The following ANXA4 variants were observed in gnomAD, a reference collection of about 807,000 sequenced individuals.
ANXA4 encodes 35-beta calcimedin.
A neutral mutation model predicts 49.8 loss-of-function variants in ANXA4; 39 were observed. The ratio of observed to expected loss-of-function variants is 0.78; its 90% CI spans 0.61 to 1.02. The LOEUF (loss-of-function observed/expected upper bound fraction) is 1.02. Ranked by LOEUF, ANXA4 falls within the 50% of genes least tolerant of loss-of-function variation. The pLI is 0.00. For synonymous variants in ANXA4, 134 were observed against 152.5 expected (o/e 0.88, Z 0.89); for missense variants, 360 against 410.1 (o/e 0.88, Z 1.05).
chr2:69,779,370 A>G (rs1336002728), intron 1 of ANXA4, among the ~76,000 whole-genome samples: 1 of 152,172 alleles, frequency 6.6e-6, no homozygotes, highest in African/African-American at 2.4e-5. Context: ...CATTATCTCT[A>G]TCAGTGCCTG....
intron 1 of ANXA4, among the ~76,000 whole-genome samples, chr2:69,652,351 A>G (rs1419871858): frequency 6.6e-6 from 1 of 152,164 alleles, no homozygotes; most frequent in African/African-American, 2.4e-5. Flanking sequence ...ATGCTGTAGA[A>G]TCTTCTCATA....
intron 2 of ANXA4, among the ~76,000 whole-genome samples, chr2:69,672,040 A>C (rs1192925959): frequency 6.6e-6 from 1 of 152,206 alleles, no homozygotes; most frequent in African/African-American, 2.4e-5. Context: ...GGGTAGCAGG[A>C]GACATGTGGG....
chr2:69,820,864 A>C, intron 12 of ANXA4, 43 bp downstream of exon 12: 1 of 1,603,730 alleles, frequency 6.2e-7, no homozygotes. Flanking sequence ...GATCCAGAAA[A>C]GGACCCCTCT....
At chr2:69,738,338 C>T (rs1474234146), upstream of ANXA4, among the ~76,000 whole-genome samples, 1 of 152,112 alleles carries the variant, frequency 6.6e-6, no homozygotes, top group East Asian at 1.9e-4. Flanking sequence ...AACTCTCCAG[C>T]CTGGTGAGTT....
At position 69,716,504 on chromosome 2, in the gene ANXA4, G is replaced by A. The variant is rs566603649; in HGVS notation, n.767-4270G>A. On this transcript the variant is annotated intron_variant and non_coding_transcript_variant, in intron 2 of 3. Coordinates refer to the ANXA4 transcript ENST00000418066. ...TGCAGAGGGGGTTGGAGAGACGGGC[G>A]AGAGCCACATCAGGGAAGGCCTTGT... 3.9e-5 allele frequency among the ~76,000 whole-genome samples: 6 copies of A among 152,252 alleles called. No individual in the cohort carries two copies. In the South Asian group the frequency reaches 1.0e-3, roughly 26 times the overall value.
chr2:69,825,066 CAAAAA>C (rs10565929), intron 12 of ANXA4, among the ~76,000 whole-genome samples: 3 of 52,874 alleles, frequency 5.7e-5, no homozygotes, highest in African/African-American at 1.9e-4. Context: ...GACTCTGTCT[CAAAAA>C]AAAAAAAAAA....
chr2:69,751,507 C>CAAAAA (rs71397349), intron 1 of ANXA4, among the ~76,000 whole-genome samples: 1 of 96,876 alleles, frequency 1.0e-5, no homozygotes, highest in Admixed American at 1.1e-4. Context: ...GACCCTGTCT[C>CAAAAA]AAAAAAAAAA....
At chr2:69,738,041 A>T (rs1385221701), upstream of ANXA4, among the ~76,000 whole-genome samples, 2 of 152,226 alleles carry the variant, frequency 1.3e-5, no homozygotes, top group African/African-American at 4.8e-5. Context: ...TAGTATAAGT[A>T]TGTCTCATGC....
At chr2:69,755,590 A>C (rs1048348919) in intron 1 of ANXA4, among the ~76,000 whole-genome samples, 25 of 152,208 alleles carry the variant, frequency 1.6e-4, no homozygotes, top group African/African-American at 6.0e-4. Context: ...CAGCCTGGGC[A>C]ACATGGTGAG....
chr2:69,789,973 C>T (rs1672609322), intron 3 of ANXA4, among the ~76,000 whole-genome samples: 1 of 152,058 alleles, frequency 6.6e-6, no homozygotes, highest in African/African-American at 2.4e-5. Context: ...TTTACTGGGG[C>T]CCACTGTGTA....
intron 2 of ANXA4, among the ~76,000 whole-genome samples, chr2:69,694,055 T>A (rs1678070996): frequency 6.6e-6 from 1 of 152,194 alleles, no homozygotes; most frequent in Non-Finnish European, 1.5e-5. Flanking sequence ...TATCTGATTA[T>A]CATGGAAACA....
In ANXA4 at chr2:69,762,848, AACAC is replaced by A. The variant is rs576512371; in HGVS notation, c.-46-18665_-46-18662del. 1.7e-4 allele frequency among the ~76,000 whole-genome samples: 19 copies of A among 111,914 alleles called. No individual in the cohort carries two copies. The South Asian group carries it at 1.8e-3, about 11-fold the overall frequency. The allele number at this position is 111,914 out of a possible 152,430, so 73.4% of individuals were successfully genotyped here. ...GACCCCATCTCCCTATTGTCTCATA[AACAC>A]ACACACTCACTCACACACTCACACA... On this transcript the variant is annotated intron_variant, in intron 1 of 12. Coordinates refer to ENST00000394295, the MANE Select transcript of ANXA4 (RefSeq NM_001153.5).
chr2:69,722,612 G>A (rs557095351), intron 3 of ANXA4, among the ~76,000 whole-genome samples: 3 of 152,106 alleles, frequency 2.0e-5, no homozygotes, highest in South Asian at 4.2e-4. Context: ...CTAGGGTCTC[G>A]GGGGAGGTAG....
chr2:69,729,052 C>T (rs530414210), intron 3 of ANXA4, among the ~76,000 whole-genome samples: 2 of 152,268 alleles, frequency 1.3e-5, no homozygotes, highest in Non-Finnish European at 1.5e-5. Context: ...TCTGCTCTGT[C>T]GCCCAGGCTG....
At chr2:69,793,263 G>A (rs1276565619) in intron 3 of ANXA4, among the ~76,000 whole-genome samples, 29 of 109,616 alleles carry the variant, frequency 2.6e-4, no homozygotes, top group Admixed American at 5.3e-4. Flanking sequence ...AAAAAAAAAA[G>A]CAGTTTACAA....
At chr2:69,703,820 A>G (rs1037470720) in intron 2 of ANXA4, among the ~76,000 whole-genome samples, 5 of 151,678 alleles carry the variant, frequency 3.3e-5, no homozygotes, top group African/African-American at 4.8e-5. Flanking sequence ...TATTTTTTTC[A>G]CTTATTTACT....
chr2:69,791,569 A>G (rs1336043266), intron 3 of ANXA4, among the ~76,000 whole-genome samples: 1 of 152,148 alleles, frequency 6.6e-6, no homozygotes, highest in Non-Finnish European at 1.5e-5. Context: ...AGTTTTTTTG[A>G]CTCTAAAAAA....
chr2:69,805,072 A>AAG (rs34130970), intron 4 of ANXA4, among the ~76,000 whole-genome samples: 5 of 149,674 alleles, frequency 3.3e-5, no homozygotes, highest in African/African-American at 1.2e-4. Flanking sequence ...AAAAAAAAAA[A>AAG]GAATAGCGAT....
At chr2:69,810,712 A>C (rs779481677) in intron 7 of ANXA4, 39 bp downstream of exon 7, 1 of 1,521,770 alleles carries the variant, frequency 6.6e-7, no homozygotes, top group East Asian at 2.3e-5. Context: ...GTTTTATCGA[A>C]ATGTCCACTC....
Sources: gnomAD v4.1 joint callset for allele counts (sites outside exome capture counted in the v4.1 genomes callset) on GRCh38, gnomAD v4.1.1 for gene constraint, MANE v1.5 for transcripts, NCBI Gene and HGNC (gene_info 2026-07-23, HGNC 2026-07-21) for gene names.